The following MON1A variants were observed in gnomAD, a reference collection of about 807,000 sequenced individuals.
The protein encoded by MON1A is vacuolar fusion protein MON1 homolog A.
MON1A carries 29 observed loss-of-function variants against 44.6 expected under a neutral mutation model. The observed-to-expected ratio is 0.65, with a 90% CI of 0.48 to 0.89. The LOEUF (loss-of-function observed/expected upper bound fraction) is 0.89, where lower values mean the gene tolerates loss of function less well. Among genes scored for constraint, MON1A ranks in the 40% least tolerant of loss-of-function variants. MON1A has a pLI of 0.00. For synonymous variants in MON1A, 275 were observed against 316.4 expected (o/e 0.87, Z 1.39); for missense variants, 615 against 759.6 (o/e 0.81, Z 2.24).
intron 1 of MON1A, among the ~76,000 whole-genome samples, chr3:49,923,598 C>T (rs914618568): frequency 1.7e-4 from 25 of 150,432 alleles, no homozygotes; most frequent in Non-Finnish European, 1.3e-4. Flanking sequence ...GGACTACAGG[C>T]GTGTGCCACC....
intron 1 of MON1A, chr3:49,920,622 G>C (rs905378001): frequency 2.7e-5 from 4 of 150,162 alleles, no homozygotes; most frequent in African/African-American, 4.9e-5. Context: ...GGTGGATCAC[G>C]AGGTCAGAAG....
At chr3:49,918,292 A>T (rs183984562) in intron 1 of MON1A, among the ~76,000 whole-genome samples, 226 of 151,944 alleles carry the variant, frequency 1.5e-3, no homozygotes, top group African/African-American at 5.3e-3. Context: ...AGCCGAGATC[A>T]TGCCACTGCA....
In MON1A at chr3:49,911,402, G is replaced by T; in HGVS notation, c.613+124C>A. ...AGGTGAGGACCTTGAAGCTCAGAGA[G>T]GTAGAGGGACTTACCCTCAGTCACA... On this transcript the variant is annotated intron_variant, in intron 3 of 5. Transcript: ENST00000296473. This position sits in a 1 kb window ranked among gnomAD's most constrained non-coding sequence, Gnocchi z 5.7. 7.3e-7 allele frequency: 1 copy of T among 1,378,196 alleles called. No individual in the cohort carries two copies. The highest frequency in any genetic ancestry group is 9.8e-7 in the Non-Finnish European group (1 of 1,024,296). 85.4% of individuals were successfully genotyped at this position (1,378,196 alleles called of 1,614,324 possible).
At chr3:49,917,692 C>CAGCACTATGTGATGG (rs2082957550) in intron 1 of MON1A, among the ~76,000 whole-genome samples, 1 of 152,190 alleles carries the variant, frequency 6.6e-6, no homozygotes, top group East Asian at 1.9e-4. Context: ...GATGGTCATA[C>CAGCACTATGTGATGG]TCAGCACTAT....
In MON1A at chr3:49,909,025, G is replaced by C; in HGVS notation, c.1657C>G (p.Leu553Val). The change falls in exon 6 of 6, where the codon CTC (leucine) becomes GTC (valine). Residue 553 changes from leucine to valine, a missense_variant. Coordinates refer to ENST00000296473, the MANE Select transcript of MON1A (RefSeq NM_032355.4). The surrounding 1 kb of genome is among the most constrained non-coding windows in gnomAD (Gnocchi z 4.0). ...EEDRLFILTP[L>V]TY ...CGCACACATTCCCATCAATAGGTGAGGGGCGTGAGAATGAAGAGGCGGTCT... is the reference window on the plus strand; with the variant it reads ...CGCACACATTCCCATCAATAGGTGACGGGCGTGAGAATGAAGAGGCGGTCT... 6.2e-7 allele frequency: 1 copy of C among 1,613,068 alleles called. No individual in the cohort carries two copies. Among genetic ancestry groups the C allele is most frequent in the Non-Finnish European group, 8.5e-7 (1 of 1,179,464 alleles).
intron 1 of MON1A, among the ~76,000 whole-genome samples, chr3:49,918,937 T>C (rs996759085): frequency 2.0e-5 from 3 of 152,138 alleles, no homozygotes; most frequent in African/African-American, 7.2e-5. Flanking sequence ...ATCCTAGTAC[T>C]TTGGGAGGCC....
chr3:49,922,088 G>A (rs1432339480), intron 1 of MON1A, among the ~76,000 whole-genome samples: 7 of 148,602 alleles, frequency 4.7e-5, no homozygotes, highest in African/African-American at 1.7e-4. Context: ...AGTGAGCCAC[G>A]ATCACGCCAT....
chr3:49,909,054 T>C lies in MON1A; in HGVS notation c.1628A>G (p.Glu543Gly), dbSNP rs1381804921. Residue 543 changes from glutamate (E) to glycine (G), a missense_variant, in exon 6 of 6, where the codon GAG (glutamate) becomes GGG (glycine). Physicochemically the swap from Glu to Gly is moderately conservative, Grantham distance 98. Coordinates refer to ENST00000296473, the MANE Select transcript of MON1A (RefSeq NM_032355.4). This position sits in a 1 kb window ranked among gnomAD's most constrained non-coding sequence, Gnocchi z 4.0. Reference protein sequence around the residue: ...IHKLMRWIRKEEDRLFILTPL... With the variant: ...IHKLMRWIRKGEDRLFILTPL... ...CGTGAGAATGAAGAGGCGGTCTTCC[T>C]CTTTGCGGATCCAGCGCATCAGCTT... 1.2e-6 allele frequency: 2 copies of C among 1,613,762 alleles called. No homozygotes were observed. The highest frequency in any genetic ancestry group is 1.7e-6 in the Non-Finnish European group (2 of 1,179,920).
chr3:49,929,387 C>G (rs1353524535), intron 1 of MON1A: 3 of 612,310 alleles, frequency 4.9e-6, no homozygotes, highest in Non-Finnish European at 8.6e-6. Flanking sequence ...TGCCCCCTAC[C>G]GGATCTCGCC....
intron 1 of MON1A, among the ~76,000 whole-genome samples, chr3:49,918,448 G>A (rs2082967590): frequency 6.7e-6 from 1 of 149,916 alleles, no homozygotes. Flanking sequence ...GTCTCACTCT[G>A]TGGCCCAGAC....
chr3:49,910,050 G>A lies in MON1A; in HGVS notation c.1379+69C>T, dbSNP rs544799921. On this transcript the variant is annotated intron_variant, in intron 4 of 5. Coordinates refer to ENST00000296473, the MANE Select transcript of MON1A (RefSeq NM_032355.4). The surrounding 1 kb of genome is among the most constrained non-coding windows in gnomAD (Gnocchi z 8.0). ...TTCAGGGCTACATCTCAGAGCTCAG[G>A]ACCAAACAGCCTCCCGACTCCACAT... 1,212 of 1,499,932 alleles carry A rather than the reference G, an allele frequency of 8.1e-4. 26 individuals carry two copies. In the South Asian group the frequency reaches 0.015, roughly 19 times the overall value. The allele number at this position is 1,499,932 out of a possible 1,614,324, so 92.9% of individuals were successfully genotyped here. A position where few individuals can be genotyped will look rare whatever the true frequency, so the allele number is the denominator to read the frequency against.
At chr3:49,921,738 C>T (rs1177659502) in intron 1 of MON1A, among the ~76,000 whole-genome samples, 1 of 150,888 alleles carries the variant, frequency 6.6e-6, no homozygotes, top group Non-Finnish European at 1.5e-5. Context: ...CCATGCACTA[C>T]AGCCTCAAAT....
chr3:49,918,477 T>C (rs2082967868), intron 1 of MON1A, among the ~76,000 whole-genome samples: 2 of 151,466 alleles, frequency 1.3e-5, no homozygotes, highest in African/African-American at 2.4e-5. Context: ...AGGAGCACGA[T>C]CTTGGCTCAC....
intron 1 of MON1A, among the ~76,000 whole-genome samples, chr3:49,913,658 G>GTTTTTTTTTTTTTTTTTTTTTT (rs1559493127): frequency 6.6e-5 from 8 of 121,434 alleles, no homozygotes; most frequent in African/African-American, 1.3e-4. Flanking sequence ...TTTCCTTCTA[G>GTTTTTTTTTTTTTTTTTTTTTT]TATTTTTTTT....
At chr3:49,927,304 A>G (rs1394299633) in intron 1 of MON1A, among the ~76,000 whole-genome samples, 2 of 152,206 alleles carry the variant, frequency 1.3e-5, no homozygotes, top group Admixed American at 1.3e-4. Context: ...CTCATTTATA[A>G]AATGGGATAG....
At chr3:49,912,675 G>A (rs1247151779) in intron 2 of MON1A, 6 of 219,810 alleles carry the variant, frequency 2.7e-5, no homozygotes, top group African/African-American at 4.6e-5. Context: ...CTATAATGGC[G>A]CCGCAGCCTG....
intron 1 of MON1A, among the ~76,000 whole-genome samples, chr3:49,913,960 G>A (rs763143368): frequency 6.6e-5 from 10 of 151,942 alleles, no homozygotes; most frequent in Non-Finnish European, 1.2e-4. Flanking sequence ...GTCTCACTCT[G>A]TTGCCAAGGC....
At position 49,911,614 on chromosome 3, in the gene MON1A, C is replaced by T. The variant is rs768373001; in HGVS notation, c.525G>A (p.Glu175=). ...GKPVYSRYGS[E]EALSSTMGVM... ...CACCCATAGTGCTGGAAAGTGCCTC[C>T]TCAGACCCATAGCGGGAGTACACAG... Residue 175 remains glutamate (E), a synonymous_variant, in exon 3 of 6, where the codon GAG becomes GAA. Transcript: ENST00000296473. This position sits in a 1 kb window ranked among gnomAD's most constrained non-coding sequence, Gnocchi z 5.7. 8 of 1,614,170 alleles carry T rather than the reference C, an allele frequency of 5.0e-6. No individual in the cohort carries two copies. The highest frequency in any genetic ancestry group is 1.7e-4 in the Middle Eastern group (1 of 6,060).
intron 1 of MON1A, among the ~76,000 whole-genome samples, chr3:49,922,501 A>C: frequency 1.6e-5 from 2 of 122,408 alleles, no homozygotes; most frequent in African/African-American, 3.1e-5. Context: ...GAAGGAAGGA[A>C]GGAGGGAAGG....
Sources: gnomAD v4.1 joint callset for allele counts (sites outside exome capture counted in the v4.1 genomes callset) on GRCh38, gnomAD v4.1.1 for gene constraint, Gnocchi (gnomAD v3.1) non-coding constraint, MANE v1.5 for transcripts, NCBI Gene and HGNC (gene_info 2026-07-23, HGNC 2026-07-21) for gene names.